Variants in CAPN14 observed in about 807,000 individuals in gnomAD.
CAPN14 encodes calpain-14.
In CAPN14, 94 loss-of-function variants were observed where a neutral mutation model predicts 101.3. The observed-to-expected ratio is 0.93, with a 90% CI of 0.79 to 1.10. The LOEUF is 1.10. CAPN14 is among the 50% of genes least tolerant of loss of function. The pLI is 0.00. For missense variants in CAPN14, 837 were observed against 828.4 expected, an observed-to-expected ratio of 1.01 and a Z score of -0.13; for synonymous variants, 338 against 317.9, an observed-to-expected ratio of 1.06 and a Z score of -0.67.
At chr2:31,208,810 G>A (rs1223152679) in intron 1 of CAPN14, among the ~76,000 whole-genome samples, 1 of 152,098 alleles carries the variant, frequency 6.6e-6, no homozygotes, top group Non-Finnish European at 1.5e-5. Flanking sequence ...GTTGGAGCAG[G>A]TCCACAAAAT....
intron 16 of CAPN14, among the ~76,000 whole-genome samples, chr2:31,182,851 G>T (rs894554748): frequency 6.6e-6 from 1 of 151,630 alleles, no homozygotes; most frequent in Admixed American, 6.6e-5. Flanking sequence ...AGTTCACATG[G>T]AACCAAAAAA....
chr2:31,180,163 CAGGTG>C lies in CAPN14; in HGVS notation c.1710+768_1710+772del, dbSNP rs201911812. 8.4e-3 allele frequency among the ~76,000 whole-genome samples: 1,204 copies of C among 143,776 alleles called. 13 individuals carry two copies. Among genetic ancestry groups the C allele is most frequent in the Non-Finnish European group, 0.011 (771 of 67,162 alleles). 94.3% of individuals were successfully genotyped at this position (143,776 alleles called of 152,430 possible). A position where few individuals can be genotyped will look rare whatever the true frequency, so the allele number is the denominator to read the frequency against. On this transcript the variant is annotated intron_variant, in intron 17 of 21. Coordinates refer to ENST00000403897, the MANE Select transcript of CAPN14 (RefSeq NM_001145122.2). ...ACTGAGTTACACACTTCACCTGTAG[CAGGTG>C]AGGTCGGCATTAACTCCCCATGTTC...
In CAPN14 at chr2:31,189,380, C is replaced by T. The variant is rs1433204279; in HGVS notation, c.1386G>A (p.Gln462=). The part of the protein sequence containing the change: ...DRFLKEKEVS[Q]ELCLEPGTYL... Reference sequence around the variant, plus strand: ...ACGTCCCTGGTTCCAGACACAGCTCCTGACTCACTTCTTTCTCCTTGAGAA... The same window carrying T: ...ACGTCCCTGGTTCCAGACACAGCTCTTGACTCACTTCTTTCTCCTTGAGAA... Residue 462 remains glutamine (Q), a synonymous_variant, in exon 13 of 22, where the codon CAG becomes CAA. Coordinates refer to ENST00000403897, the MANE Select transcript of CAPN14 (RefSeq NM_001145122.2). 1.3e-6 allele frequency: 2 copies of T among 1,551,614 alleles called. No individual in the cohort carries two copies. Among genetic ancestry groups the T allele is most frequent in the Non-Finnish European group, 1.7e-6 (2 of 1,147,020 alleles).
intron 5 of CAPN14, among the ~76,000 whole-genome samples, chr2:31,201,484 G>C (rs1450106180): frequency 6.6e-6 from 1 of 152,118 alleles, no homozygotes; most frequent in Admixed American, 6.6e-5. Flanking sequence ...CGTTGAGAGG[G>C]TTTCATTCAA....
chr2:31,200,137 G>A (rs1236224310), intron 6 of CAPN14, among the ~76,000 whole-genome samples: 1 of 152,130 alleles, frequency 6.6e-6, no homozygotes, highest in Non-Finnish European at 1.5e-5. Context: ...CCAAATAGCT[G>A]GGATTACAGG....
chr2:31,201,642 C>T (rs1161859622), intron 5 of CAPN14, among the ~76,000 whole-genome samples: 2 of 152,204 alleles, frequency 1.3e-5, no homozygotes, highest in Admixed American at 6.5e-5. Context: ...GCTCCTATCC[C>T]CCTTAATTCT....
rs1270896814 is a variant in CAPN14, at chr2:31,177,025, C to G, written c.1972+1G>C. On this transcript the variant is annotated splice_donor_variant, in intron 20 of 21. Coordinates refer to ENST00000403897, the MANE Select transcript of CAPN14 (RefSeq NM_001145122.2). LOFTEE classifies it high-confidence loss of function. ...CCCTCCCCAGCTTCCCGCCAGCTTA[C>G]CCTCCATGTTCTCTACACGCAGCAT... is the stretch of plus-strand genomic sequence containing the variant. 9 of 1,548,856 alleles carry G rather than the reference C, an allele frequency of 5.8e-6. No homozygotes were observed. The highest frequency in any genetic ancestry group is 7.9e-6 in the Non-Finnish European group (9 of 1,144,752).
Position 31,176,424 on chromosome 2 carries a change from G to GTGAA in CAPN14, c.2028+159_2028+162dup, listed in dbSNP as rs142199034. 7.0e-3 allele frequency among the ~76,000 whole-genome samples: 1,060 copies of GTGAA among 152,204 alleles called. 7 individuals carry two copies. Among genetic ancestry groups the GTGAA allele is most frequent in the Non-Finnish European group, 0.012 (800 of 68,008 alleles). On this transcript the variant is annotated intron_variant, in intron 21 of 21. Coordinates refer to ENST00000403897, the MANE Select transcript of CAPN14 (RefSeq NM_001145122.2). ...TGGGTGCTCAGAAAATATTTGATGG[G>GTGAA]TGAATGAATGAATGAATGAATGAGT...
intron 15 of CAPN14, among the ~76,000 whole-genome samples, chr2:31,187,355 C>A (rs1680945725): frequency 1.3e-5 from 2 of 152,076 alleles, no homozygotes; most frequent in Non-Finnish European, 2.9e-5. Flanking sequence ...CTCATGGGCC[C>A]CTTCTCCCTG....
chr2:31,199,407 G>A, intron 7 of CAPN14, 63 bp downstream of exon 7: 2 of 1,346,974 alleles, frequency 1.5e-6, no homozygotes, highest in African/African-American at 1.5e-5. Flanking sequence ...ACCAAGATAA[G>A]CTAGGGTCCA....
chr2:31,230,621 G>A lies in CAPN14; in HGVS notation c.-177+3170C>T, dbSNP rs1056864620. On this transcript the variant is annotated intron_variant and NMD_transcript_variant, in intron 1 of 21. Transcript: ENST00000398824. The surrounding 1 kb of genome is among the most constrained non-coding windows in gnomAD (Gnocchi z 4.3). ...AATGAGATGCAACATGTTTTCTTGC[G>A]TTTATAGGGCATTCATGTAGCCTCT... 4.6e-5 allele frequency among the ~76,000 whole-genome samples: 7 copies of A among 152,120 alleles called. No homozygotes were observed. Among genetic ancestry groups the A allele is most frequent in the Non-Finnish European group, 8.8e-5 (6 of 68,030 alleles).
intron 8 of CAPN14, among the ~76,000 whole-genome samples, chr2:31,196,364 C>T (rs982327099): frequency 1.3e-5 from 2 of 152,198 alleles, no homozygotes; most frequent in Non-Finnish European, 2.9e-5. Context: ...TGCTAGACTT[C>T]TGTAGCATGT....
intron 1 of CAPN14, among the ~76,000 whole-genome samples, chr2:31,212,690 C>T (rs758432671): frequency 2.6e-5 from 4 of 152,206 alleles, no homozygotes; most frequent in South Asian, 2.1e-4. Flanking sequence ...GAGTCCCTGC[C>T]CTGATGTTCA....
chr2:31,214,238 A>G (rs1682533648), intron 1 of CAPN14, among the ~76,000 whole-genome samples: 1 of 152,212 alleles, frequency 6.6e-6, no homozygotes, highest in South Asian at 2.1e-4. Flanking sequence ...GTAAAGAACA[A>G]TAAAGCGTGC....
chr2:31,186,898 A>G (rs1399267679), intron 15 of CAPN14, among the ~76,000 whole-genome samples: 3 of 152,240 alleles, frequency 2.0e-5, no homozygotes, highest in African/African-American at 4.8e-5. Flanking sequence ...GTTGTTTTAT[A>G]TAGATTGGGA....
intron 2 of CAPN14, among the ~76,000 whole-genome samples, chr2:31,203,816 A>T (rs1044875458): frequency 6.6e-6 from 1 of 152,082 alleles, no homozygotes; most frequent in African/African-American, 2.4e-5. Context: ...GGAAGAGAAA[A>T]GGAAAGTCTG....
chr2:31,227,027 G>C (rs1448289574), intron 1 of CAPN14, among the ~76,000 whole-genome samples: 1 of 152,166 alleles, frequency 6.6e-6, no homozygotes, highest in African/African-American at 2.4e-5. Context: ...ATGAGGACTA[G>C]ATGCCCACGC....
chr2:31,203,618 CTT>C (rs1681913256), intron 2 of CAPN14, among the ~76,000 whole-genome samples: 1 of 152,110 alleles, frequency 6.6e-6, no homozygotes, highest in Non-Finnish European at 1.5e-5. Flanking sequence ...TATTCTCAGT[CTT>C]TGCGCGGACA....
chr2:31,205,338 C>T lies in CAPN14; in HGVS notation c.110G>A (p.Cys37Tyr). ...TTCAAAGAGGCAGCCATTCCTCAGGCACTCTGCCAGCAGGGCCTCAAAGTC... is the reference window on the plus strand; with the variant it reads ...TTCAAAGAGGCAGCCATTCCTCAGGTACTCTGCCAGCAGGGCCTCAAAGTC... ...QQDFEALLAE[C>Y]LRNGCLFEDT... The change falls in exon 2 of 22, where the codon TGC becomes TAC. Residue 37 changes from cysteine (C) to tyrosine (Y), a missense_variant. Cys to Tyr is a radical substitution (Grantham distance 194). Coordinates refer to ENST00000403897, the MANE Select transcript of CAPN14 (RefSeq NM_001145122.2). 6.4e-7 allele frequency: 1 copy of T among 1,551,278 alleles called. No homozygotes were observed. The highest frequency in any genetic ancestry group is 2.4e-5 in the East Asian group (1 of 40,904).
Sources: gnomAD v4.1 joint callset for allele counts (sites outside exome capture counted in the v4.1 genomes callset) on GRCh38, gnomAD v4.1.1 for gene constraint, Gnocchi (gnomAD v3.1) non-coding constraint, MANE v1.5 for transcripts, NCBI Gene and HGNC (gene_info 2026-07-23, HGNC 2026-07-21) for gene names.